MTHFD1L: variants seen among roughly 807,000 people sequenced by gnomAD.
MTHFD1L encodes the protein monofunctional C1-tetrahydrofolate synthase, mitochondrial.
A neutral mutation model predicts 119.5 loss-of-function variants in MTHFD1L; 81 were observed. The observed-to-expected ratio is 0.68, with a 90% confidence interval of 0.57 to 0.82. The LOEUF is 0.82. MTHFD1L is among the 40% of genes least tolerant of loss of function. The pLI, the probability that MTHFD1L is intolerant of heterozygous loss-of-function variation, is 0.00. For synonymous variants in MTHFD1L, 430 were observed against 475.2 expected (o/e 0.90, Z 1.24); for missense variants, 1,125 against 1,253.4 (o/e 0.90, Z 1.55).
chr6:151,009,784 A>C, intron 20 of MTHFD1L, 35 bp from the exon 21 acceptor site: 1 of 1,609,912 alleles, frequency 6.2e-7, no homozygotes, highest in South Asian at 1.1e-5. Context: ...TGTTTTTAGA[A>C]GATAATAGCA....
intron 26 of MTHFD1L, among the ~76,000 whole-genome samples, chr6:151,051,028 G>A (rs571675940): frequency 6.6e-6 from 1 of 152,162 alleles, no homozygotes; most frequent in East Asian, 1.9e-4. Context: ...CTTCCTGGAG[G>A]TTGATGGGTG....
intron 24 of MTHFD1L, among the ~76,000 whole-genome samples, chr6:151,031,036 A>G (rs1785272770): frequency 6.6e-6 from 1 of 152,148 alleles, no homozygotes; most frequent in Non-Finnish European, 1.5e-5. Flanking sequence ...AATTTTAAAA[A>G]AAGTTACCCT....
chr6:151,010,040 C>A, intron 21 of MTHFD1L, 82 bp downstream of exon 21: 1 of 1,440,726 alleles, frequency 6.9e-7, no homozygotes. Flanking sequence ...AATTCCTGCC[C>A]ATTTAATGAC....
chr6:151,019,639 C>A (rs978889941), intron 24 of MTHFD1L, among the ~76,000 whole-genome samples: 7 of 152,226 alleles, frequency 4.6e-5, no homozygotes, highest in African/African-American at 1.7e-4. Flanking sequence ...TCGATTTGAG[C>A]TGCATAATTG....
intron 20 of MTHFD1L, among the ~76,000 whole-genome samples, chr6:150,991,889 G>A (rs1291677059): frequency 6.6e-6 from 1 of 152,202 alleles, no homozygotes; most frequent in East Asian, 1.9e-4. Flanking sequence ...TGAAGAAGGT[G>A]AGAGGGGAGA....
intron 11 of MTHFD1L, chr6:150,934,894 A>T: frequency 6.7e-7 from 1 of 1,497,010 alleles, no homozygotes; most frequent in Non-Finnish European, 8.9e-7. Flanking sequence ...TTATAGCTGG[A>T]TCAGCTACCA....
chr6:150,985,660 C>CAAAA (rs71014533), intron 20 of MTHFD1L, among the ~76,000 whole-genome samples: 82 of 78,118 alleles, frequency 1.0e-3, no homozygotes, highest in Non-Finnish European at 1.2e-3. Context: ...GACTCTGTCT[C>CAAAA]AAAAAAAAAA....
chr6:151,055,906 G>A (rs1453800315), intron 26 of MTHFD1L: 1 of 152,186 alleles, frequency 6.6e-6, no homozygotes, highest in Non-Finnish European at 1.5e-5. Flanking sequence ...TGTATAATAG[G>A]AAAGGGTAGC....
At chr6:150,965,536 C>T (rs1797068004) in intron 19 of MTHFD1L, among the ~76,000 whole-genome samples, 1 of 152,032 alleles carries the variant, frequency 6.6e-6, no homozygotes, top group Non-Finnish European at 1.5e-5. Context: ...TGGCACACAC[C>T]TGTAGTCCCA....
At chr6:151,083,420 T>TA (rs1793417818) in intron 26 of MTHFD1L, among the ~76,000 whole-genome samples, 2 of 152,174 alleles carry the variant, frequency 1.3e-5, no homozygotes, top group Non-Finnish European at 2.9e-5. Context: ...ATGGTCTCGA[T>TA]TTCTTGACCT....
intron 26 of MTHFD1L, among the ~76,000 whole-genome samples, chr6:151,088,623 A>ATTTTTTTT (rs71014539): frequency 5.4e-5 from 7 of 128,620 alleles, no homozygotes; most frequent in South Asian, 2.5e-4. Context: ...CACCCAGCTA[A>ATTTTTTTT]TTTTTTTTTT....
At chr6:150,959,543 C>T (rs1796133833) in intron 17 of MTHFD1L, among the ~76,000 whole-genome samples, 1 of 152,200 alleles carries the variant, frequency 6.6e-6, no homozygotes, top group Non-Finnish European at 1.5e-5. Context: ...AAAGTCTGTG[C>T]TCTCTAGCTT....
At chr6:151,093,047 A>G (rs1794590414) in intron 27 of MTHFD1L, among the ~76,000 whole-genome samples, 1 of 152,206 alleles carries the variant, frequency 6.6e-6, no homozygotes, top group Non-Finnish European at 1.5e-5. Flanking sequence ...GCCATGACAA[A>G]GTATCGCAAA....
At chr6:150,905,864 G>T in intron 8 of MTHFD1L, 103 bp downstream of exon 8, 1 of 902,704 alleles carries the variant, frequency 1.1e-6, no homozygotes. Context: ...GTTAGCAGTC[G>T]TCAACATTAA....
At chr6:150,974,034 C>T (rs1036452282) in intron 20 of MTHFD1L, among the ~76,000 whole-genome samples, 9 of 152,152 alleles carry the variant, frequency 5.9e-5, no homozygotes, top group Non-Finnish European at 8.8e-5. Flanking sequence ...TCTAAGATGC[C>T]GTAAGTGGGG....
Position 151,021,943 on chromosome 6 carries a change from T to C in MTHFD1L, c.2586+6250T>C, listed in dbSNP as rs145922388. The C allele has an allele frequency of 1.1e-5, 5 of 460,684 alleles. 1 individual carries two copies. The East Asian group carries it at 3.5e-4, about 33-fold the overall frequency. The allele number at this position is 460,684 out of a possible 1,614,324, so 28.5% of individuals were successfully genotyped here. Reference sequence around the variant, plus strand: ...CATCTCTGTATCCTTCCTCTAGCCTTGCAAACATTTTAAGGTGTAGCCTTG... The same window carrying C: ...CATCTCTGTATCCTTCCTCTAGCCTCGCAAACATTTTAAGGTGTAGCCTTG... On this transcript the variant is annotated intron_variant, in intron 24 of 27. Transcript: ENST00000367321.
chr6:151,006,190 C>G (rs1781360097), intron 20 of MTHFD1L, among the ~76,000 whole-genome samples: 1 of 140,094 alleles, frequency 7.1e-6, no homozygotes, highest in African/African-American at 2.6e-5. Context: ...CACCACAGGG[C>G]CGGGAGGGTG....
intron 8 of MTHFD1L, among the ~76,000 whole-genome samples, chr6:150,908,608 CAA>C (rs1193602515): frequency 2.1e-5 from 3 of 144,490 alleles, no homozygotes; most frequent in Non-Finnish European, 4.5e-5. Flanking sequence ...GCCTGGATGA[CAA>C]GAGCTTTTTT....
chr6:150,977,755 T>G (rs1776789322), intron 20 of MTHFD1L, among the ~76,000 whole-genome samples: 1 of 152,130 alleles, frequency 6.6e-6, no homozygotes, highest in Admixed American at 6.5e-5. Flanking sequence ...TGCAGAGGAG[T>G]GCAGAATGCA....
Sources: allele counts gnomAD v4.1 joint callset (sites outside exome capture counted in the v4.1 genomes callset), GRCh38; gene constraint gnomAD v4.1.1; transcripts MANE v1.5; gene names NCBI Gene and HGNC (gene_info 2026-07-23, HGNC 2026-07-21).